Variants in DOCK2 observed in about 807,000 individuals in gnomAD.
DOCK2 encodes dedicator of cytokinesis 2, also known as dedicator of cytokinesis protein 2.
A neutral mutation model predicts 248.9 loss-of-function variants in DOCK2; 87 were observed. That is an observed-to-expected ratio of 0.35 (90% CI 0.29 to 0.42). The LOEUF is 0.42. DOCK2 is among the 10% of genes least tolerant of loss of function. The pLI is 1.00. For synonymous variants in DOCK2, 805 were observed against 821.6 expected, an observed-to-expected ratio of 0.98 and a Z score of 0.35; for missense variants, 1,747 against 2,300.2, an observed-to-expected ratio of 0.76 and a Z score of 4.92.
chr5:169,781,063 C>A (rs1053051682), intron 25 of DOCK2, among the ~76,000 whole-genome samples: 3 of 152,134 alleles, frequency 2.0e-5, no homozygotes, highest in South Asian at 2.1e-4. Flanking sequence ...GGGTGCCGGG[C>A]GGAAACCAGC....
At position 170,045,375 on chromosome 5, in the gene DOCK2, A is replaced by G. The variant is rs150997627; in HGVS notation, c.3877-441A>G. 3.3e-5 allele frequency among the ~76,000 whole-genome samples: 5 copies of G among 152,226 alleles called. No homozygotes were observed. In the East Asian group the frequency reaches 7.7e-4, roughly 24 times the overall value. On this transcript the variant is annotated intron_variant, in intron 38 of 51. Transcript: ENST00000520908. Reference sequence around the variant, plus strand: ...GGGAATCAAAGGTTTCCTTCACTAAACACGAGCACGTGGGAGGCAGGGACT... The same window carrying G: ...GGGAATCAAAGGTTTCCTTCACTAAGCACGAGCACGTGGGAGGCAGGGACT...
chr5:169,840,025 C>T (rs538713563), intron 26 of DOCK2, among the ~76,000 whole-genome samples: 13 of 152,242 alleles, frequency 8.5e-5, no homozygotes, highest in Middle Eastern at 3.4e-3. Context: ...TCTGTTCTTG[C>T]GCTGCTATAA....
At chr5:170,034,605 T>G (rs767252384) in intron 35 of DOCK2, 50 bp downstream of exon 35, 1 of 1,604,186 alleles carries the variant, frequency 6.2e-7, no homozygotes, top group Non-Finnish European at 8.5e-7. Context: ...GTGGGGGGGC[T>G]TGGGCTTGGC....
At chr5:169,798,885 G>A (rs1342696816) in intron 25 of DOCK2, among the ~76,000 whole-genome samples, 1 of 152,164 alleles carries the variant, frequency 6.6e-6, no homozygotes, top group Non-Finnish European at 1.5e-5. Context: ...GGTGGAGAAA[G>A]TTTTAAATAA....
At chr5:169,660,385 A>T (rs540747347) in intron 2 of DOCK2, among the ~76,000 whole-genome samples, 70 of 152,308 alleles carry the variant, frequency 4.6e-4, no homozygotes, top group African/African-American at 1.6e-3. Flanking sequence ...GAGGGAGGAG[A>T]TGGATAGAGC....
chr5:169,962,353 A>G (rs1777124624), intron 27 of DOCK2, among the ~76,000 whole-genome samples: 1 of 152,222 alleles, frequency 6.6e-6, no homozygotes, highest in Non-Finnish European at 1.5e-5. Flanking sequence ...ATGGCCAGTC[A>G]GAAAAAGTGG....
chr5:169,883,950 C>G, intron 27 of DOCK2: 5 of 1,423,126 alleles, frequency 3.5e-6, no homozygotes, highest in Non-Finnish European at 4.6e-6. Context: ...GGCACATCTC[C>G]CCTTAGGTCT....
intron 1 of DOCK2, among the ~76,000 whole-genome samples, chr5:169,652,993 G>T (rs1176965656): frequency 6.6e-6 from 1 of 152,188 alleles, no homozygotes. Context: ...CTGTAGAGTA[G>T]AGGAGTAGGA....
chr5:169,894,949 C>T (rs563269799), intron 27 of DOCK2, among the ~76,000 whole-genome samples: 27 of 152,290 alleles, frequency 1.8e-4, no homozygotes, highest in African/African-American at 2.4e-4. Context: ...TGTGGCCCCC[C>T]GTGAGGTCTG....
intron 27 of DOCK2, among the ~76,000 whole-genome samples, chr5:169,924,427 T>A (rs1370351941): frequency 6.6e-6 from 1 of 152,250 alleles, no homozygotes; most frequent in Non-Finnish European, 1.5e-5. Context: ...AACCATCCTG[T>A]CAGCAAATCA....
intron 25 of DOCK2, among the ~76,000 whole-genome samples, chr5:169,790,201 C>A (rs1581192638): frequency 6.6e-6 from 1 of 152,284 alleles, no homozygotes; most frequent in South Asian, 2.1e-4. Flanking sequence ...AAACAAGAGG[C>A]TTTTAATGCA....
At chr5:169,808,743 A>C (rs1265885284) in intron 26 of DOCK2, among the ~76,000 whole-genome samples, 1 of 152,040 alleles carries the variant, frequency 6.6e-6, no homozygotes, top group Non-Finnish European at 1.5e-5. Context: ...CTCTTAAGAC[A>C]GGGTTTTTGT....
chr5:170,031,489 T>C (rs1007269493), intron 34 of DOCK2, among the ~76,000 whole-genome samples: 2 of 152,234 alleles, frequency 1.3e-5, no homozygotes, highest in African/African-American at 2.4e-5. Flanking sequence ...GAATTACCTA[T>C]ATTTTCTTAT....
At chr5:169,991,645 G>A (rs1288277424) in intron 29 of DOCK2, among the ~76,000 whole-genome samples, 1 of 152,254 alleles carries the variant, frequency 6.6e-6, no homozygotes, top group Non-Finnish European at 1.5e-5. Context: ...CCAGTCAGCT[G>A]TAGGCAGGCA....
chr5:169,967,317 T>C (rs965776754), intron 27 of DOCK2, among the ~76,000 whole-genome samples: 2 of 152,186 alleles, frequency 1.3e-5, no homozygotes, highest in Admixed American at 1.3e-4. Flanking sequence ...TAGAGGTGAC[T>C]ATGTCAATTG....
chr5:169,840,350 A>C (rs910530297), intron 26 of DOCK2, among the ~76,000 whole-genome samples: 4 of 152,176 alleles, frequency 2.6e-5, no homozygotes, highest in African/African-American at 7.2e-5. Context: ...ATTGCCTTCT[A>C]CGAGGCCCCA....
At chr5:169,900,725 G>T (rs559432684) in intron 27 of DOCK2, among the ~76,000 whole-genome samples, 24 of 152,128 alleles carry the variant, frequency 1.6e-4, no homozygotes, top group African/African-American at 5.8e-4. Flanking sequence ...TAGAGTTGTT[G>T]CCCACTATCT....
chr5:169,882,852 T>C, intron 27 of DOCK2: 2 of 1,551,032 alleles, frequency 1.3e-6, no homozygotes, highest in Non-Finnish European at 1.7e-6. Flanking sequence ...CAGGGGCAGA[T>C]TTCGATGCAC....
intron 25 of DOCK2, among the ~76,000 whole-genome samples, chr5:169,777,760 T>A (rs537470274): frequency 7.9e-5 from 12 of 152,274 alleles, no homozygotes; most frequent in African/African-American, 2.9e-4. Context: ...GTGAGAGGCA[T>A]AGAGAGGCCT....
Sources: gnomAD v4.1 joint callset for allele counts (sites outside exome capture counted in the v4.1 genomes callset) on GRCh38, gnomAD v4.1.1 for gene constraint, MANE v1.5 for transcripts, NCBI Gene and HGNC (gene_info 2026-07-23, HGNC 2026-07-21) for gene names.